Variants in PCDHA2 observed in about 807,000 individuals in gnomAD.
PCDHA2 encodes the protein protocadherin alpha-2.
PCDHA2 carries 58 observed loss-of-function variants against 66.0 expected under a neutral mutation model. That is an observed-to-expected ratio of 0.88 (90% CI 0.71 to 1.09). PCDHA2 has a LOEUF of 1.09. Ranked by LOEUF, PCDHA2 falls within the 50% of genes least tolerant of loss-of-function variation. PCDHA2 has a pLI of 0.00. For synonymous variants in PCDHA2, 634 were observed against 554.0 expected (o/e 1.14, Z -2.03); for missense variants, 1,267 against 1,242.3 (o/e 1.02, Z -0.30).
intron 1 of PCDHA2, among the ~76,000 whole-genome samples, chr5:140,953,024 G>A (rs2094834462): frequency 6.6e-6 from 1 of 152,026 alleles, no homozygotes; most frequent in South Asian, 2.1e-4. Context: ...AACATTAAGG[G>A]GGAAATCCAC....
rs527281567 is a variant in PCDHA2 at position 140,992,060 on chromosome 5, A to T, written c.2536+9497A>T. Among the ~76,000 whole-genome samples the T allele has an allele frequency of 3.3e-3, 484 of 147,642 alleles. 5 individuals are homozygous for T. Among genetic ancestry groups the T allele is most frequent in the South Asian group, 0.015 (69 of 4,700 alleles). On this transcript the variant is annotated intron_variant, in intron 3 of 3. Transcript: ENST00000526136. The stretch of plus-strand genomic sequence containing the variant: ...GTGTGTGTGTGTGTGTGTGTAAGTT[A>T]ATTTCAGTAGAGAATGAGCTAGAGT...
intron 1 of PCDHA2, chr5:140,928,482 TG>T (rs782531828): frequency 6.2e-7 from 1 of 1,614,024 alleles, no homozygotes; most frequent in African/African-American, 1.3e-5. Context: ...GCCGGGATGG[TG>T]GCATTCCTCC....
At chr5:140,857,925 A>G (rs1291686886) in intron 1 of PCDHA2, 2 of 1,597,800 alleles carry the variant, frequency 1.3e-6, no homozygotes. Context: ...GTGGGGCTGT[A>G]CACGGGCGAG....
rs2096607447 is a variant in PCDHA2, at chr5:140,973,909, C to T, written c.2389-5040C>T. 2.0e-5 allele frequency among the ~76,000 whole-genome samples: 3 copies of T among 152,194 alleles called. 1 individual carries two copies. The highest frequency in any genetic ancestry group is 2.0e-4 in the Admixed American group (3 of 15,280). On this transcript the variant is annotated intron_variant, in intron 1 of 3. Coordinates refer to ENST00000526136, the MANE Select transcript of PCDHA2 (RefSeq NM_018905.3). ...ATTTGCAAATGTTTGAGGAAACATT[C>T]CTGTCACCAAACCCAGAGGTTTAGC...
intron 1 of PCDHA2, among the ~76,000 whole-genome samples, chr5:140,956,122 A>T (rs1371284760): frequency 6.6e-6 from 1 of 152,116 alleles, no homozygotes; most frequent in Non-Finnish European, 1.5e-5. Context: ...CTCTCTTCCT[A>T]TTTGAATACC....
chr5:140,871,354 C>A, intron 1 of PCDHA2: 1 of 1,614,210 alleles, frequency 6.2e-7, no homozygotes, highest in Non-Finnish European at 8.5e-7. Flanking sequence ...GTCATACTCG[C>A]AGCAGAGGCG....
intron 1 of PCDHA2, chr5:140,827,916 T>C: frequency 1.1e-6 from 1 of 884,046 alleles, no homozygotes; most frequent in Non-Finnish European, 1.7e-6. Context: ...ATGATGTCGC[T>C]GTCTACCATG....
intron 1 of PCDHA2, chr5:140,870,649 G>T (rs533111347): frequency 1.2e-6 from 2 of 1,612,592 alleles, no homozygotes; most frequent in Non-Finnish European, 1.7e-6. Flanking sequence ...GAGCGGCAAG[G>T]TGTACGCGCT....
intron 1 of PCDHA2, among the ~76,000 whole-genome samples, chr5:140,837,545 T>C (rs1775114799): frequency 6.6e-6 from 1 of 151,994 alleles, no homozygotes; most frequent in Non-Finnish European, 1.5e-5. Context: ...AGATTATTAT[T>C]GCCAAATTAT....
chr5:140,965,440 T>C (rs1028835719), intron 1 of PCDHA2, among the ~76,000 whole-genome samples: 42 of 151,984 alleles, frequency 2.8e-4, no homozygotes, highest in Admixed American at 1.3e-4. Context: ...GTCATTGAAA[T>C]TGCTGGTTAT....
intron 1 of PCDHA2, chr5:140,849,459 G>T (rs2150438078): frequency 1.3e-6 from 2 of 1,587,980 alleles, no homozygotes. Flanking sequence ...CCCAGTCGAG[G>T]CTGTCGATAA....
intron 1 of PCDHA2, among the ~76,000 whole-genome samples, chr5:140,905,788 G>T (rs1217429620): frequency 2.6e-5 from 4 of 152,046 alleles, no homozygotes; most frequent in Non-Finnish European, 4.4e-5. Flanking sequence ...ATTAGTCAGG[G>T]TTCTCTAGAG....
chr5:141,001,910 C>T (rs1365182561), intron 3 of PCDHA2, among the ~76,000 whole-genome samples: 1 of 152,196 alleles, frequency 6.6e-6, no homozygotes, highest in Non-Finnish European at 1.5e-5. Flanking sequence ...TTGAAAAAGA[C>T]TGCAGTGGCT....
intron 1 of PCDHA2, chr5:140,877,285 G>C: frequency 1.2e-6 from 2 of 1,613,898 alleles, no homozygotes; most frequent in Non-Finnish European, 1.7e-6. Context: ...CGGCTATAAC[G>C]CTTGGCTGTC....
rs377081112 is a variant in PCDHA2 at position 140,871,063 on chromosome 5, G to C, written c.2388+73711G>C. On this transcript the variant is annotated intron_variant, in intron 1 of 3. Coordinates refer to ENST00000526136, the MANE Select transcript of PCDHA2 (RefSeq NM_018905.3). ...ACTTCTAGTACTGGTGAAGGATCAC[G>C]GTGAGCCGGCGCTGACGGCCACGGC... The C allele has an allele frequency of 2.7e-5, 43 of 1,613,154 alleles. 1 individual carries two copies. The South Asian group carries it at 4.5e-4, about 17-fold the overall frequency.
At chr5:141,007,970 T>C (rs986378123) in intron 3 of PCDHA2, among the ~76,000 whole-genome samples, 3 of 152,248 alleles carry the variant, frequency 2.0e-5, no homozygotes, top group Admixed American at 6.5e-5. Flanking sequence ...TCTGGGTGTC[T>C]GTCATGTATA....
chr5:140,976,897 T>C (rs2096736712), intron 1 of PCDHA2, among the ~76,000 whole-genome samples: 1 of 152,220 alleles, frequency 6.6e-6, no homozygotes, highest in Admixed American at 6.5e-5. Flanking sequence ...CATGCAACAG[T>C]ATGTAATAAA....
At chr5:140,801,616 T>A (rs781989124) in intron 1 of PCDHA2, 1 of 1,614,082 alleles carries the variant, frequency 6.2e-7, no homozygotes, top group Admixed American at 1.7e-5. Flanking sequence ...GTAAAGAATC[T>A]GTTTATTTCC....
chr5:140,807,250 C>T (rs781836532), intron 1 of PCDHA2: 3 of 1,614,114 alleles, frequency 1.9e-6, no homozygotes, highest in South Asian at 1.1e-5. Flanking sequence ...TTCTTCTCCT[C>T]GCAGCCTGGG....
Sources: allele counts gnomAD v4.1 joint callset (sites outside exome capture counted in the v4.1 genomes callset), GRCh38; gene constraint gnomAD v4.1.1; transcripts MANE v1.5; gene names NCBI Gene and HGNC (gene_info 2026-07-23, HGNC 2026-07-21).